Variants in CDC73 observed in about 807,000 individuals in gnomAD.
CDC73 encodes the protein parafibromin.
A neutral mutation model predicts 83.7 loss-of-function variants in CDC73; 21 were observed. The ratio of observed to expected loss-of-function variants is 0.25; its 90% CI spans 0.18 to 0.36. The LOEUF is 0.36. Ranked by LOEUF, CDC73 falls within the 10% of genes least tolerant of loss-of-function variation. The pLI is 1.00. For synonymous variants in CDC73, 224 were observed against 212.9 expected, an observed-to-expected ratio of 1.05 and a Z score of -0.45; for missense variants, 342 against 653.3, an observed-to-expected ratio of 0.52 and a Z score of 5.19.
chr1:193,213,438 G>A (rs961397657), intron 13 of CDC73, among the ~76,000 whole-genome samples: 8 of 151,274 alleles, frequency 5.3e-5, no homozygotes, highest in African/African-American at 1.9e-4. Context: ...AAATACCATT[G>A]CCTGATGTGG....
chr1:193,183,836 T>A (rs999584798), intron 10 of CDC73, among the ~76,000 whole-genome samples: 2 of 151,930 alleles, frequency 1.3e-5, no homozygotes, highest in Admixed American at 1.3e-4. Flanking sequence ...GGAATCTGGT[T>A]GAAGTCCAAT....
intron 10 of CDC73, among the ~76,000 whole-genome samples, chr1:193,178,662 C>T (rs1339595145): frequency 2.0e-5 from 3 of 152,104 alleles, no homozygotes; most frequent in Non-Finnish European, 2.9e-5. Context: ...TTTCTGTAGT[C>T]ATATAGAATA....
At chr1:193,232,280 C>A (rs1677674284) in intron 13 of CDC73, among the ~76,000 whole-genome samples, 1 of 151,848 alleles carries the variant, frequency 6.6e-6, no homozygotes. Flanking sequence ...TAGGCTAAGT[C>A]GTAAAGAAGC....
chr1:193,144,839 A>G (rs768557765), intron 7 of CDC73, among the ~76,000 whole-genome samples: 1 of 150,276 alleles, frequency 6.7e-6, no homozygotes, highest in Non-Finnish European at 1.5e-5. Flanking sequence ...TTTTAAATGA[A>G]GGAAATAAAT....
intron 13 of CDC73, among the ~76,000 whole-genome samples, chr1:193,224,153 C>G (rs995060610): frequency 2.0e-5 from 3 of 152,026 alleles, no homozygotes; most frequent in Non-Finnish European, 4.4e-5. Flanking sequence ...TCCACTCCCC[C>G]ACCCTTCCTG....
intron 2 of CDC73, among the ~76,000 whole-genome samples, chr1:193,127,401 T>C (rs1675598305): frequency 6.6e-6 from 1 of 151,916 alleles, no homozygotes; most frequent in African/African-American, 2.4e-5. Context: ...GTAAGAAATA[T>C]ATATTTATGT....
At position 193,252,856 on chromosome 1, in the gene CDC73, TTACA is replaced by T. The variant is rs1678066834; in HGVS notation, c.*2146_*2149del. 4.3e-6 allele frequency: 1 copy of T among 231,946 alleles called. No individual in the cohort carries two copies. Among genetic ancestry groups the T allele is most frequent in the Non-Finnish European group, 8.5e-6 (1 of 117,208 alleles). 14.4% of individuals were successfully genotyped at this position (231,946 alleles called of 1,614,324 possible). On this transcript the variant is annotated 3_prime_UTR_variant, in exon 17 of 17. Coordinates refer to ENST00000367435, the MANE Select transcript of CDC73 (RefSeq NM_024529.5). ...CACATAGTAGGCATTCAGTAAATAC[TTACA>T]TGCATGAATGAATAATGTATTTTCA...
intron 15 of CDC73, among the ~76,000 whole-genome samples, chr1:193,240,074 A>C (rs1278393952): frequency 6.6e-6 from 1 of 152,082 alleles, no homozygotes; most frequent in Non-Finnish European, 1.5e-5. Context: ...CATGAGATCA[A>C]CTTTTAACGT....
At chr1:193,194,805 A>G (rs1357553477) in intron 10 of CDC73, among the ~76,000 whole-genome samples, 1 of 152,120 alleles carries the variant, frequency 6.6e-6, no homozygotes, top group Non-Finnish European at 1.5e-5. Flanking sequence ...TGTGATTTGT[A>G]TCACCTTTTA....
At position 193,122,106 on chromosome 1, in the gene CDC73, G is replaced by A. The variant is rs143969598; in HGVS notation, c.-95G>A. 2,006 of 1,211,200 alleles carry A rather than the reference G, an allele frequency of 1.7e-3. 4 individuals are homozygous for A. Among genetic ancestry groups the A allele is most frequent in the Non-Finnish European group, 2.1e-3 (1,728 of 827,140 alleles). The allele number at this position is 1,211,200 out of a possible 1,614,324, so 75.0% of individuals were successfully genotyped here. On this transcript the variant is annotated 5_prime_UTR_variant, in exon 1 of 17. Coordinates refer to ENST00000367435, the MANE Select transcript of CDC73 (RefSeq NM_024529.5). ...CTGTTGGTTCGTCGCGGCGGCGAAG[G>A]AGGAGGAGGAAGAGGGCGAGGCGAC...
At chr1:193,203,739 G>A in intron 10 of CDC73, 56 bp from the exon 11 acceptor site, 1 of 1,289,956 alleles carries the variant, frequency 7.8e-7, no homozygotes. Flanking sequence ...AATAATTAAA[G>A]TGTTTATTAT....
chr1:193,156,982 C>A (rs1366551674), intron 10 of CDC73, among the ~76,000 whole-genome samples: 3 of 152,058 alleles, frequency 2.0e-5, no homozygotes, highest in Admixed American at 6.6e-5. Flanking sequence ...GTGACTATGA[C>A]AAGTGTTAAA....
chr1:193,163,491 A>T (rs574857184), intron 10 of CDC73, among the ~76,000 whole-genome samples: 1 of 152,130 alleles, frequency 6.6e-6, no homozygotes, highest in Admixed American at 6.5e-5. Context: ...TGGGCAACAG[A>T]ATGAGACCCT....
intron 13 of CDC73, among the ~76,000 whole-genome samples, chr1:193,224,338 T>C (rs1677523993): frequency 1.4e-5 from 1 of 69,932 alleles, no homozygotes; most frequent in Admixed American, 1.6e-4. Flanking sequence ...CATTGTTCCA[T>C]GTATATATAT....
At chr1:193,250,585 T>C (rs973477863) in intron 16 of CDC73, 91 bp from the exon 17 acceptor site, 7 of 918,790 alleles carry the variant, frequency 7.6e-6, no homozygotes, top group Non-Finnish European at 1.2e-5. Context: ...GATTTTAAGT[T>C]TTAAGAAATG....
intron 7 of CDC73, among the ~76,000 whole-genome samples, chr1:193,146,074 C>G (rs909947340): frequency 6.6e-6 from 1 of 151,996 alleles, no homozygotes; most frequent in East Asian, 1.9e-4. Flanking sequence ...GAAGAGTGGT[C>G]CCAGCCAAGG....
rs773217296 is a variant in CDC73 at position 193,150,285 on chromosome 1, A to C, written c.829-19A>C. On this transcript the variant is annotated intron_variant, in intron 8 of 16. Coordinates refer to ENST00000367435, the MANE Select transcript of CDC73 (RefSeq NM_024529.5). The stretch of plus-strand genomic sequence containing the variant: ...ATTTAAAAATATTAACAAGTAACTC[A>C]TAATTAATTTTTTTACAGGATCCCA... 3 of 1,526,826 alleles carry C rather than the reference A, an allele frequency of 2.0e-6. No individual in the cohort carries two copies. The highest frequency in any genetic ancestry group is 2.2e-5 in the South Asian group (2 of 89,334). The allele number at this position is 1,526,826 out of a possible 1,614,324, so 94.6% of individuals were successfully genotyped here.
At chr1:193,199,828 G>A (rs1677059507) in intron 10 of CDC73, among the ~76,000 whole-genome samples, 2 of 151,910 alleles carry the variant, frequency 1.3e-5, no homozygotes, top group South Asian at 4.1e-4. Flanking sequence ...AAGCATTCAA[G>A]GGTATGACTA....
At chr1:193,159,943 T>A (rs556509368) in intron 10 of CDC73, among the ~76,000 whole-genome samples, 4 of 152,162 alleles carry the variant, frequency 2.6e-5, no homozygotes, top group Non-Finnish European at 5.9e-5. Context: ...TCAAGAAAAA[T>A]GAATTACAGC....
Sources: gnomAD v4.1 joint callset for allele counts (sites outside exome capture counted in the v4.1 genomes callset) on GRCh38, gnomAD v4.1.1 for gene constraint, MANE v1.5 for transcripts, NCBI Gene and HGNC (gene_info 2026-07-23, HGNC 2026-07-21) for gene names.